Variants in DMD observed in about 807,000 individuals in gnomAD.
DMD encodes mutant dystrophin.
In DMD, 63 loss-of-function variants were observed where a neutral mutation model predicts 330.1. The observed-to-expected ratio is 0.19, with a 90% CI of 0.16 to 0.24. The LOEUF (loss-of-function observed/expected upper bound fraction) is 0.24. DMD is among the 10% of genes least tolerant of loss of function. The pLI, the probability that DMD is intolerant of heterozygous loss-of-function variation, is 1.00. For missense variants in DMD, 3,344 were observed against 2,684.1 expected (o/e 1.25, Z -5.43); for synonymous variants, 1,223 against 959.8 (o/e 1.27, Z -5.07).
intron 44 of DMD, among the ~76,000 whole-genome samples, chrX:32,175,605 C>T (rs1267976327): frequency 7.3e-5 from 8 of 109,057 alleles, no homozygotes; most frequent in African/African-American, 6.6e-5. Flanking sequence ...AGCGAGACCA[C>T]GAACCCACCG....
intron 62 of DMD, among the ~76,000 whole-genome samples, chrX:31,293,222 T>TGTGTAGTCTGGTTTA (rs2053899850): frequency 9.8e-6 from 1 of 101,750 alleles, no homozygotes; most frequent in African/African-American, 3.7e-5. Context: ...TGTGTGTGTG[T>TGTGTAGTCTGGTTTA]GTGTGTGTGT....
intron 29 of DMD, among the ~76,000 whole-genome samples, chrX:32,429,923 C>T (rs757277789): frequency 9.0e-6 from 1 of 111,301 alleles, no homozygotes; most frequent in South Asian, 3.7e-4. Flanking sequence ...CTTATTGCAT[C>T]TAAAACCTTT....
intron 13 of DMD, among the ~76,000 whole-genome samples, chrX:32,584,901 T>C (rs903035421): frequency 7.2e-5 from 8 of 111,703 alleles, no homozygotes; most frequent in African/African-American, 2.6e-4. Flanking sequence ...TTATGTCCTT[T>C]GCTTGATACT....
intron 44 of DMD, among the ~76,000 whole-genome samples, chrX:32,193,801 A>T (rs1259316889): frequency 2.7e-5 from 3 of 111,772 alleles, no homozygotes; most frequent in Non-Finnish European, 3.8e-5. Flanking sequence ...ATTATATTAC[A>T]TAAGGTAAAT....
At chrX:32,404,109 C>A (rs2098103378) in intron 30 of DMD, among the ~76,000 whole-genome samples, 2 of 111,723 alleles carry the variant, frequency 1.8e-5, no homozygotes. Context: ...TAAAGATGAC[C>A]GATTATATTT....
At chrX:31,783,055 C>T (rs774723308) in intron 50 of DMD, among the ~76,000 whole-genome samples, 7 of 111,639 alleles carry the variant, frequency 6.3e-5, no homozygotes, top group African/African-American at 1.9e-4. Flanking sequence ...ATAAAGACCA[C>T]GCTATTGATG....
intron 55 of DMD, among the ~76,000 whole-genome samples, chrX:31,526,834 G>C (rs767824885): frequency 8.9e-6 from 1 of 112,297 alleles, no homozygotes; most frequent in South Asian, 3.7e-4. Context: ...GAGGGGCTGG[G>C]CATGGTGGCT....
intron 2 of DMD, among the ~76,000 whole-genome samples, chrX:32,924,397 G>T (rs1169820903): frequency 1.8e-5 from 2 of 110,691 alleles, no homozygotes; most frequent in Admixed American, 1.9e-4. Context: ...AGGGCGTGGT[G>T]TGCACTTGTC....
chrX:32,794,431 T>C (rs891959470), intron 7 of DMD, among the ~76,000 whole-genome samples: 1 of 110,455 alleles, frequency 9.1e-6, no homozygotes, highest in Admixed American at 9.7e-5. Flanking sequence ...CTACTAAAAA[T>C]ACAAAAAATT....
At chrX:32,235,342 C>A (rs1193178852) in intron 43 of DMD, among the ~76,000 whole-genome samples, 1 of 110,347 alleles carries the variant, frequency 9.1e-6, no homozygotes, top group African/African-American at 3.3e-5. Flanking sequence ...GCTGATCTGA[C>A]AGGAGGTGGA....
intron 15 of DMD, among the ~76,000 whole-genome samples, chrX:32,569,032 C>A (rs1324105942): frequency 9.0e-6 from 1 of 111,701 alleles, no homozygotes; most frequent in African/African-American, 3.3e-5. Context: ...AAAGGAAGAT[C>A]TAGAGAATGT....
chrX:31,482,388 C>A (rs889395234), intron 57 of DMD, among the ~76,000 whole-genome samples: 3 of 111,169 alleles, frequency 2.7e-5, no homozygotes, highest in Non-Finnish European at 5.6e-5. Context: ...AGCTAATATA[C>A]GTTGAGTGCC....
chrX:33,033,718 A>AG lies in DMD; in HGVS notation c.32-13519_32-13518insC, dbSNP rs2094157588. Among the ~76,000 whole-genome samples, 5 of 102,686 alleles carry AG rather than the reference A, an allele frequency of 4.9e-5. No homozygotes were observed. The East Asian group carries it at 1.7e-3, about 34-fold the overall frequency. The allele number at this position is 102,686 out of a possible 115,157, so 89.2% of individuals were successfully genotyped here. A position where few individuals can be genotyped will look rare whatever the true frequency, so the allele number is the denominator to read the frequency against. ...GGGCGACAGAGCGAGACTCCGTCTCAAAAAAAAAAAGCTCTCATACTAGCC... is the reference window on the plus strand; with the variant it reads ...GGGCGACAGAGCGAGACTCCGTCTCAGAAAAAAAAAAGCTCTCATACTAGCC... On this transcript the variant is annotated intron_variant, in intron 1 of 78. Coordinates refer to ENST00000357033, the MANE Select transcript of DMD (RefSeq NM_004006.3).
chrX:32,879,039 A>AAAAC (rs371655053), intron 2 of DMD, among the ~76,000 whole-genome samples: 4 of 99,732 alleles, frequency 4.0e-5, no homozygotes, highest in Non-Finnish European at 6.3e-5. Context: ...AAACAAACAA[A>AAAAC]AAAAAAACAA....
chrX:33,109,100 G>T (rs1216919135), intron 1 of DMD, among the ~76,000 whole-genome samples: 1 of 109,126 alleles, frequency 9.2e-6, no homozygotes, highest in Non-Finnish European at 1.9e-5. Flanking sequence ...GTTCATCCTG[G>T]AATATTAAGT....
At chrX:32,483,648 T>C (rs766199501) in intron 21 of DMD, among the ~76,000 whole-genome samples, 1 of 108,700 alleles carries the variant, frequency 9.2e-6, no homozygotes, top group Non-Finnish European at 1.9e-5. Context: ...ACATTATTGT[T>C]AAATATGTCA....
chrX:31,932,207 A>G lies in DMD; in HGVS notation c.6635T>C (p.Ile2212Thr). Residue 2212 changes from isoleucine to threonine, a missense_variant, in exon 46 of 79, where the codon ATC becomes ACC. Physicochemically the swap from Ile to Thr is moderately conservative, Grantham distance 89. Coordinates refer to ENST00000357033, the MANE Select transcript of DMD (RefSeq NM_004006.3). ...RKKRLEEQKNILSEFQRDLNE... is the reference protein window; with the variant it reads ...RKKRLEEQKNTLSEFQRDLNE... ...TAAATCTCTTTGAAATTCTGACAAG[A>G]TATTCTTTTGTTCTTCTAGCCTGGA... 8.4e-7 allele frequency: 1 copy of G among 1,190,606 alleles called. No individual in the cohort carries two copies. The highest frequency in any genetic ancestry group is 1.1e-6 in the Non-Finnish European group (1 of 876,691).
chrX:31,378,059 T>C (rs1196483047), intron 60 of DMD, among the ~76,000 whole-genome samples: 1 of 111,466 alleles, frequency 9.0e-6, no homozygotes, highest in East Asian at 2.8e-4. Flanking sequence ...GCCCCACCCC[T>C]GTCTCCCTTT....
At chrX:31,140,390 GCCCA>G (rs960979037) in intron 76 of DMD, among the ~76,000 whole-genome samples, 4 of 111,633 alleles carry the variant, frequency 3.6e-5, no homozygotes, top group Non-Finnish European at 7.5e-5. Context: ...GAACAAATAC[GCCCA>G]CCAACATTTT....
Sources: gnomAD v4.1 joint callset for allele counts (sites outside exome capture counted in the v4.1 genomes callset) on GRCh38, gnomAD v4.1.1 for gene constraint, MANE v1.5 for transcripts, NCBI Gene and HGNC (gene_info 2026-07-23, HGNC 2026-07-21) for gene names.